The following ANO10 variants were observed in gnomAD, a reference collection of about 807,000 sequenced individuals.
ANO10 encodes the protein anoctamin 10, also known as anoctamin-10.
Under a neutral mutation model 74.7 loss-of-function variants are expected in ANO10, and 77 were observed. That is an observed-to-expected ratio of 1.03 (90% CI 0.86 to 1.25). The LOEUF (loss-of-function observed/expected upper bound fraction) is 1.25. Among genes scored for constraint, ANO10 ranks in the 50% most tolerant of loss-of-function variants. ANO10 has a pLI of 0.00. For missense variants in ANO10, 721 were observed against 778.1 expected (o/e 0.93, Z 0.87); for synonymous variants, 279 against 284.9 (o/e 0.98, Z 0.21).
intron 4 of ANO10, among the ~76,000 whole-genome samples, chr3:43,595,319 AT>A (rs1176569402): frequency 1.3e-5 from 2 of 152,202 alleles, no homozygotes; most frequent in Non-Finnish European, 2.9e-5. Flanking sequence ...AAAAAAGAGA[AT>A]TTTAGATCAA....
Position 43,549,650 on chromosome 3 carries a change from G to A in ANO10, c.1797+70C>T, listed in dbSNP as rs12638282. 905,426 of 1,565,894 alleles carry A rather than the reference G, an allele frequency of 0.58. 268,931 individuals carry two copies. The highest frequency in any genetic ancestry group is 0.84 in the East Asian group (37,424 of 44,594). ...CAATTGTCAGTCATGGACAGCCCGA[G>A]ACAGCACTGCTTTGGAATAGAGAAA... is the stretch of plus-strand genomic sequence containing the variant. On this transcript the variant is annotated intron_variant, in intron 11 of 12. Coordinates refer to ENST00000292246, the MANE Select transcript of ANO10 (RefSeq NM_018075.5).
At position 43,576,924 on chromosome 3, in the gene ANO10, T is replaced by A; in HGVS notation, c.930A>T (p.Arg310Ser). Residue 310 changes from arginine to serine, a missense_variant, in exon 6 of 13, where the codon AGA (arginine) becomes AGT (serine). By Grantham distance (110) the Arg-to-Ser change is moderately radical. Coordinates refer to ENST00000292246, the MANE Select transcript of ANO10 (RefSeq NM_018075.5). ...KEEPLYPSYK[R>S]QLRIYLVSLP... The stretch of plus-strand genomic sequence containing the variant: ...GGGAGACCAGGTAAATGCGCAACTG[T>A]CTCTTGTAGCTGGGGTACAGAGGCT... 1 of 1,614,110 alleles carries A rather than the reference T, an allele frequency of 6.2e-7. No homozygotes were observed. The highest frequency in any genetic ancestry group is 8.5e-7 in the Non-Finnish European group (1 of 1,180,020).
intron 11 of ANO10, among the ~76,000 whole-genome samples, chr3:43,538,060 C>A (rs768819162): frequency 6.6e-6 from 1 of 152,062 alleles, no homozygotes; most frequent in Non-Finnish European, 1.5e-5. Context: ...CAAATTTATA[C>A]CATTTCACCA....
chr3:43,690,968 T>A, intron 1 of ANO10: 1 of 1,566,130 alleles, frequency 6.4e-7, no homozygotes, highest in Admixed American at 1.8e-5. Context: ...TCGAGATAAG[T>A]CCCGGCGCTT....
intron 1 of ANO10, among the ~76,000 whole-genome samples, chr3:43,658,091 C>T (rs1362251895): frequency 6.6e-6 from 1 of 152,170 alleles, no homozygotes; most frequent in African/African-American, 2.4e-5. Flanking sequence ...CACACATCTG[C>T]TGCCATTTAA....
At chr3:43,397,345 G>A (rs1034824548) in intron 12 of ANO10, among the ~76,000 whole-genome samples, 1 of 152,094 alleles carries the variant, frequency 6.6e-6, no homozygotes, top group African/African-American at 2.4e-5. Flanking sequence ...GCCCTTGCTT[G>A]CTAATTCTGA....
At chr3:43,411,745 A>C (rs1398502407) in intron 12 of ANO10, among the ~76,000 whole-genome samples, 1 of 152,156 alleles carries the variant, frequency 6.6e-6, no homozygotes, top group Non-Finnish European at 1.5e-5. Context: ...CCATCTAAAA[A>C]TGCCTCAGTC....
At chr3:43,409,756 A>G (rs2092634707) in intron 12 of ANO10, among the ~76,000 whole-genome samples, 1 of 152,212 alleles carries the variant, frequency 6.6e-6, no homozygotes, top group Non-Finnish European at 1.5e-5. Context: ...AATGATAAGC[A>G]TATGCATATT....
chr3:43,412,744 C>T (rs940668716), intron 12 of ANO10, among the ~76,000 whole-genome samples: 2 of 152,174 alleles, frequency 1.3e-5, no homozygotes, highest in African/African-American at 2.4e-5. Context: ...AGAGCCTGTA[C>T]TTGGAGATAA....
chr3:43,382,352 T>C (rs2091985550), intron 12 of ANO10, among the ~76,000 whole-genome samples: 1 of 151,912 alleles, frequency 6.6e-6, no homozygotes, highest in South Asian at 2.1e-4. Flanking sequence ...ACCCCGTCTC[T>C]ACTAAAAATA....
chr3:43,657,389 T>TA (rs2149571405), intron 1 of ANO10, among the ~76,000 whole-genome samples: 1 of 152,290 alleles, frequency 6.6e-6, no homozygotes, highest in East Asian at 1.9e-4. Context: ...GTTGTAGGAG[T>TA]ACGCAGTGAC....
Position 43,428,729 on chromosome 3 carries a change from T to C in ANO10, c.1914+3882A>G, listed in dbSNP as rs2092934708. Among the ~76,000 whole-genome samples the C allele has an allele frequency of 2.3e-5, 3 of 130,914 alleles. No homozygotes were observed. In the Admixed American group the frequency reaches 2.8e-4, roughly 12 times the overall value. 85.9% of individuals were successfully genotyped at this position (130,914 alleles called of 152,430 possible). ...TTAGATTTTTCTTCTTCTTTTTAAG[T>C]AATACAGGTTGAGCATCCCTAATCT... On this transcript the variant is annotated intron_variant, in intron 12 of 12. Transcript: ENST00000292246.
At chr3:43,621,865 T>C (rs2083413178) in intron 1 of ANO10, 44 bp downstream of exon 1, 1 of 152,434 alleles carries the variant, frequency 6.6e-6, no homozygotes, top group South Asian at 2.1e-4. Flanking sequence ...GGCCGGGCTC[T>C]GCTGCGGACA....
intron 12 of ANO10, among the ~76,000 whole-genome samples, chr3:43,396,299 T>C (rs1264738035): frequency 6.6e-6 from 1 of 152,128 alleles, no homozygotes; most frequent in African/African-American, 2.4e-5. Flanking sequence ...TAAAGCTCTT[T>C]TCATTTTTAC....
At chr3:43,681,533 A>G (rs528492609) in intron 1 of ANO10, among the ~76,000 whole-genome samples, 13 of 152,310 alleles carry the variant, frequency 8.5e-5, no homozygotes, top group African/African-American at 2.9e-4. Flanking sequence ...ACAGAAAGTA[A>G]ACAAGGATAT....
intron 11 of ANO10, among the ~76,000 whole-genome samples, chr3:43,540,095 C>T (rs1050740049): frequency 6.6e-6 from 1 of 152,222 alleles, no homozygotes; most frequent in Non-Finnish European, 1.5e-5. Flanking sequence ...TAATTTAGCA[C>T]TCCCAAGGAA....
intron 12 of ANO10, among the ~76,000 whole-genome samples, chr3:43,415,698 C>T (rs1376048172): frequency 1.3e-5 from 2 of 152,000 alleles, no homozygotes; most frequent in Admixed American, 6.6e-5. Flanking sequence ...CACAGCACCA[C>T]GTCTGGCTAA....
At chr3:43,668,184 G>A (rs2084014820) in intron 1 of ANO10, among the ~76,000 whole-genome samples, 1 of 152,006 alleles carries the variant, frequency 6.6e-6, no homozygotes, top group Non-Finnish European at 1.5e-5. Flanking sequence ...CTGATGATGA[G>A]TGATGTTGAG....
chr3:43,607,189 T>A (rs2082602752), intron 1 of ANO10, among the ~76,000 whole-genome samples: 1 of 151,882 alleles, frequency 6.6e-6, no homozygotes, highest in Non-Finnish European at 1.5e-5. Flanking sequence ...CCTGTATTTT[T>A]AAAAATTTGT....
Sources: allele counts gnomAD v4.1 joint callset (sites outside exome capture counted in the v4.1 genomes callset), GRCh38; gene constraint gnomAD v4.1.1; transcripts MANE v1.5; gene names NCBI Gene and HGNC (gene_info 2026-07-23, HGNC 2026-07-21).